Variants in LRRC9 observed in about 807,000 individuals in gnomAD.
LRRC9 encodes the protein leucine rich repeat containing 9, also known as leucine-rich repeat-containing protein 9.
A neutral mutation model predicts 63.2 loss-of-function variants in LRRC9; 122 were observed. That is an observed-to-expected ratio of 1.93 (90% CI 1.67 to 2.24). LRRC9 has a LOEUF of 2.24. Ranked by LOEUF, LRRC9 falls within the 30% of genes most tolerant of loss-of-function variation. The probability of loss-of-function intolerance (pLI) is 0.00; values close to 1 mark genes in which losing one functional copy is unlikely to be tolerated. For synonymous variants in LRRC9, 366 were observed against 213.1 expected (o/e 1.72, Z -6.25); for missense variants, 1,071 against 627.7 (o/e 1.71, Z -7.55).
chr14:60,044,956 T>G (rs959074372), intron 29 of LRRC9, among the ~76,000 whole-genome samples: 1 of 152,174 alleles, frequency 6.6e-6, no homozygotes, highest in African/African-American at 2.4e-5. Flanking sequence ...GTTTTATATA[T>G]TTTGGAGCAC....
At chr14:60,056,495 T>C (rs1446336606) in intron 30 of LRRC9, among the ~76,000 whole-genome samples, 1 of 152,196 alleles carries the variant, frequency 6.6e-6, no homozygotes, top group Non-Finnish European at 1.5e-5. Flanking sequence ...TCTTTTCTAT[T>C]TATCATATAG....
intron 1 of LRRC9, among the ~76,000 whole-genome samples, chr14:59,924,455 A>G (rs61992209): frequency 0.077 from 11,665 of 152,226 alleles, 619 homozygotes; most frequent in Non-Finnish European, 0.12. Flanking sequence ...GAAATTGCCA[A>G]TGGGAAGCAG....
chr14:60,014,996 A>C (rs2140263378), intron 23 of LRRC9, among the ~76,000 whole-genome samples: 1 of 151,882 alleles, frequency 6.6e-6, no homozygotes, highest in Admixed American at 6.6e-5. Context: ...TCTTTTGTTC[A>C]TACTGGGTAA....
rs567028251 is a variant in LRRC9 at position 59,999,058 on chromosome 14, T to C, written c.2404-43T>C. The C allele has an allele frequency of 3.2e-4, 199 of 613,740 alleles. 2 individuals carry two copies. The Middle Eastern group carries it at 5.8e-3, about 18-fold the overall frequency. The allele number at this position is 613,740 out of a possible 1,614,324, so 38.0% of individuals were successfully genotyped here. On this transcript the variant is annotated intron_variant, in intron 18 of 31. Coordinates refer to ENST00000445360, the Ensembl canonical transcript of LRRC9. ...AAACAGTCATTTTCATGCCATAACA[T>C]ATTTAACAGTTTATAAAAAATTTTT...
At chr14:60,025,854 A>C (rs1438561467) in intron 27 of LRRC9, among the ~76,000 whole-genome samples, 1 of 152,020 alleles carries the variant, frequency 6.6e-6, no homozygotes, top group African/African-American at 2.4e-5. Context: ...TGGCAGTGGG[A>C]GTGGTAAGAG....
intron 12 of LRRC9, among the ~76,000 whole-genome samples, chr14:59,972,974 C>A (rs1476245419): frequency 6.6e-6 from 1 of 151,962 alleles, no homozygotes; most frequent in East Asian, 1.9e-4. Context: ...GAAATGTAAC[C>A]ATTTGTGTGC....
At chr14:59,997,700 C>A in exon 18 of LRRC9, 2 of 702,070 alleles carry the variant, frequency 2.8e-6, no homozygotes, top group Non-Finnish European at 5.2e-6. Context: ...ATGTGATAAC[C>A]CTTGAGGGAT....
At chr14:59,935,937 G>A (rs1343408575) in intron 6 of LRRC9, among the ~76,000 whole-genome samples, 2 of 152,176 alleles carry the variant, frequency 1.3e-5, no homozygotes, top group South Asian at 2.1e-4. Flanking sequence ...GAAACTATAT[G>A]GAAGTTTAAC....
intron 16 of LRRC9, among the ~76,000 whole-genome samples, chr14:59,983,380 G>A (rs1271614814): frequency 6.6e-6 from 1 of 152,118 alleles, no homozygotes; most frequent in Admixed American, 6.6e-5. Context: ...TATTATTTCT[G>A]CACTATAATA....
chr14:60,032,078 A>G lies in LRRC9; in HGVS notation c.3990+15A>G, dbSNP rs1352005045. The G allele has an allele frequency of 7.4e-6, 5 of 677,760 alleles. No homozygotes were observed. The highest frequency in any genetic ancestry group is 1.3e-5 in the Non-Finnish European group (5 of 375,690). The allele number at this position is 677,760 out of a possible 1,614,324, so 42.0% of individuals were successfully genotyped here. A position where few individuals can be genotyped will look rare whatever the true frequency, so the allele number is the denominator to read the frequency against. The stretch of plus-strand genomic sequence containing the variant: ...ATGGCAATCCAGTGAGTATGTTACC[A>G]TTCTAATTTATTAGTTAATTTACTG... On this transcript the variant is annotated intron_variant, in intron 29 of 31. Transcript: ENST00000445360.
At chr14:59,984,461 A>T (rs1408501403) in intron 16 of LRRC9, among the ~76,000 whole-genome samples, 1 of 152,218 alleles carries the variant, frequency 6.6e-6, no homozygotes, top group Non-Finnish European at 1.5e-5. Flanking sequence ...GATACCACTC[A>T]TAATGGTATA....
At chr14:59,973,256 G>A (rs1035853526) in intron 12 of LRRC9, among the ~76,000 whole-genome samples, 3 of 151,984 alleles carry the variant, frequency 2.0e-5, no homozygotes, top group African/African-American at 7.2e-5. Context: ...GACACATCTT[G>A]TGGTGCCTTG....
Position 60,030,830 on chromosome 14 carries a change from T to TA in LRRC9, c.3922-1156dup, listed in dbSNP as rs202235311. On this transcript the variant is annotated intron_variant, in intron 28 of 31. Transcript: ENST00000445360. ...GTGAGCCAGTAGCAGCACACTACTG[T>TA]AAAAAAAAATGCTGCATATTAAAAA... Among the ~76,000 whole-genome samples the TA allele has an allele frequency of 1.9e-3, 283 of 151,060 alleles. 2 individuals are homozygous for TA. The highest frequency in any genetic ancestry group is 5.8e-3 in the African/African-American group (238 of 41,296).
chr14:59,957,424 A>G (rs1883881512), intron 8 of LRRC9, among the ~76,000 whole-genome samples: 1 of 151,968 alleles, frequency 6.6e-6, no homozygotes, highest in Admixed American at 6.6e-5. Flanking sequence ...GATTTCAGCT[A>G]TGGATACTTG....
At chr14:59,945,161 C>G (rs2139862583) in intron 8 of LRRC9, among the ~76,000 whole-genome samples, 1 of 151,104 alleles carries the variant, frequency 6.6e-6, no homozygotes, top group Non-Finnish European at 1.5e-5. Flanking sequence ...AAAAAAAAAC[C>G]CTTTCCTAAT....
Position 60,027,801 on chromosome 14 carries a change from A to T in LRRC9, c.3704-83A>T. On this transcript the variant is annotated intron_variant, in intron 27 of 31. Transcript: ENST00000445360. This position sits in a 1 kb window ranked among gnomAD's most constrained non-coding sequence, Gnocchi z 4.0. Reference sequence around the variant, plus strand: ...ACTTCTTTTGACAAATCATCTGATTAAAAAATATTTAAATGTAAGTAGATA... The same window carrying T: ...ACTTCTTTTGACAAATCATCTGATTTAAAAATATTTAAATGTAAGTAGATA... 2.0e-6 allele frequency: 1 copy of T among 495,296 alleles called. No individual in the cohort carries two copies. The highest frequency in any genetic ancestry group is 3.7e-5 in the South Asian group (1 of 26,866). The allele number at this position is 495,296 out of a possible 1,614,324, so 30.7% of individuals were successfully genotyped here.
chr14:59,977,688 TGAATA>T (rs1459807960), intron 14 of LRRC9, among the ~76,000 whole-genome samples: 3 of 151,458 alleles, frequency 2.0e-5, no homozygotes, highest in Non-Finnish European at 2.9e-5. Context: ...GGCCACACAT[TGAATA>T]GAAAAGTGAA....
chr14:59,949,607 T>A (rs1018499119), intron 8 of LRRC9, among the ~76,000 whole-genome samples: 3 of 151,696 alleles, frequency 2.0e-5, no homozygotes, highest in Non-Finnish European at 4.4e-5. Flanking sequence ...CAATTTTGGA[T>A]CTTTCCTGCT....
At chr14:59,952,305 CT>C (rs1219044233) in intron 8 of LRRC9, among the ~76,000 whole-genome samples, 2 of 152,220 alleles carry the variant, frequency 1.3e-5, no homozygotes, top group African/African-American at 4.8e-5. Flanking sequence ...GGAAAGGGAA[CT>C]CCCTGACCCC....
Sources: gnomAD v4.1 joint callset for allele counts (sites outside exome capture counted in the v4.1 genomes callset) on GRCh38, gnomAD v4.1.1 for gene constraint, Gnocchi (gnomAD v3.1) non-coding constraint, MANE v1.5 for transcripts, NCBI Gene and HGNC (gene_info 2026-07-23, HGNC 2026-07-21) for gene names.